The following CNTN3 variants were observed in gnomAD, a reference collection of about 807,000 sequenced individuals.
CNTN3 encodes contactin 3.
CNTN3 carries 60 observed loss-of-function variants against 119.1 expected under a neutral mutation model. The observed-to-expected ratio is 0.50, with a 90% CI of 0.41 to 0.62. CNTN3 has a LOEUF of 0.62. CNTN3 is among the 20% of genes least tolerant of loss of function. The pLI, the probability that CNTN3 is intolerant of heterozygous loss-of-function variation, is 0.00. For synonymous variants in CNTN3, 450 were observed against 438.7 expected (o/e 1.03, Z -0.32); for missense variants, 1,101 against 1,242.4 (o/e 0.89, Z 1.71).
chr3:74,400,752 G>T (rs1448228990), intron 5 of CNTN3, among the ~76,000 whole-genome samples: 1 of 152,104 alleles, frequency 6.6e-6, no homozygotes, highest in African/African-American at 2.4e-5. Context: ...TGGGCATTCA[G>T]CTTTATAAAG....
At chr3:74,321,952 G>A (rs1462215846) in intron 13 of CNTN3, among the ~76,000 whole-genome samples, 11 of 152,018 alleles carry the variant, frequency 7.2e-5, no homozygotes, top group Non-Finnish European at 1.2e-4. Context: ...TGGTGAATCC[G>A]AGGTGGGCAG....
chr3:74,297,818 C>A, intron 18 of CNTN3, 139 bp downstream of exon 18: 1 of 621,026 alleles, frequency 1.6e-6, no homozygotes, highest in Non-Finnish European at 2.8e-6. Context: ...TTATGACTTG[C>A]ACTGGGAATC....
chr3:74,541,213 C>G (rs960692974), intron 1 of CNTN3, among the ~76,000 whole-genome samples: 19 of 152,152 alleles, frequency 1.2e-4, no homozygotes, highest in African/African-American at 4.6e-4. Flanking sequence ...AATTCCATTT[C>G]AAGCTGAAGG....
intron 1 of CNTN3, among the ~76,000 whole-genome samples, chr3:74,544,303 C>A (rs957554299): frequency 1.3e-5 from 2 of 152,130 alleles, no homozygotes; most frequent in African/African-American, 4.8e-5. Flanking sequence ...CTCTGAGAAA[C>A]TTTGAAGTTG....
intron 5 of CNTN3, among the ~76,000 whole-genome samples, chr3:74,388,967 T>G (rs1704826092): frequency 6.6e-6 from 1 of 152,216 alleles, no homozygotes; most frequent in African/African-American, 2.4e-5. Flanking sequence ...ATACACGTAC[T>G]CTGGCCATTC....
chr3:74,551,141 C>G (rs115622553), intron 1 of CNTN3, among the ~76,000 whole-genome samples: 3 of 152,104 alleles, frequency 2.0e-5, no homozygotes, highest in African/African-American at 7.2e-5. Context: ...CTTTCCTGTT[C>G]GAGCCTTAGC....
rs542177173 is a variant in CNTN3, at chr3:74,346,501, C to G, written c.1365-9843G>C. ...CATTAGGACAGAATTGTAAAATACA[C>G]AAATAAGATCACAAAGTGGAAAATG... is the stretch of plus-strand genomic sequence containing the variant. On this transcript the variant is annotated intron_variant, in intron 11 of 22. Coordinates refer to ENST00000263665, the MANE Select transcript of CNTN3 (RefSeq NM_020872.3). Among the ~76,000 whole-genome samples the G allele has an allele frequency of 2.4e-3, 358 of 152,118 alleles. 1 individual carries two copies. The highest frequency in any genetic ancestry group is 2.8e-3 in the Non-Finnish European group (187 of 67,996).
intron 1 of CNTN3, 47 bp from the exon 2 acceptor site, chr3:74,521,239 G>C: frequency 2.5e-6 from 1 of 398,146 alleles, no homozygotes; most frequent in East Asian, 4.0e-5. Flanking sequence ...AAAAAAAAAA[G>C]CTGCTTTAAA....
intron 11 of CNTN3, among the ~76,000 whole-genome samples, chr3:74,342,664 T>C (rs1259122788): frequency 6.6e-6 from 1 of 152,248 alleles, no homozygotes; most frequent in Non-Finnish European, 1.5e-5. Context: ...TTTTCACTTC[T>C]ATAAAATGTT....
chr3:74,441,622 A>C (rs1346031889), intron 4 of CNTN3, among the ~76,000 whole-genome samples: 2 of 152,176 alleles, frequency 1.3e-5, no homozygotes, highest in East Asian at 3.9e-4. Flanking sequence ...ACAAATTAGA[A>C]AGCAATTAGG....
chr3:74,520,803 G>T (rs1198805493), intron 2 of CNTN3, among the ~76,000 whole-genome samples: 1 of 151,298 alleles, frequency 6.6e-6, no homozygotes, highest in Non-Finnish European at 1.5e-5. Context: ...TAATACCAAA[G>T]CATAATATTA....
chr3:74,329,060 G>A (rs900157479), intron 13 of CNTN3, among the ~76,000 whole-genome samples: 4 of 152,170 alleles, frequency 2.6e-5, no homozygotes, highest in Non-Finnish European at 2.9e-5. Flanking sequence ...GTTATAAAGA[G>A]CTGCTGTTTT....
chr3:74,280,328 A>C (rs1050937898), intron 20 of CNTN3, among the ~76,000 whole-genome samples: 1 of 152,312 alleles, frequency 6.6e-6, no homozygotes, highest in East Asian at 1.9e-4. Context: ...CTTTTTCCCC[A>C]AGTATACTCA....
At position 74,521,785 on chromosome 3, in the gene CNTN3, A is replaced by T. The variant is rs552341114; in HGVS notation, c.-80-593T>A. ...ATGAAACCATTTTCTTTTTTGCTTTAATTTTCATAAACTTGAATATGTTGG... is the reference window on the plus strand; with the variant it reads ...ATGAAACCATTTTCTTTTTTGCTTTTATTTTCATAAACTTGAATATGTTGG... On this transcript the variant is annotated intron_variant, in intron 1 of 22. Transcript: ENST00000263665. 3.3e-5 allele frequency among the ~76,000 whole-genome samples: 5 copies of T among 151,840 alleles called. No individual in the cohort carries two copies. In the East Asian group the frequency reaches 9.8e-4, roughly 30 times the overall value.
chr3:74,407,841 T>C (rs1177041664), intron 5 of CNTN3, among the ~76,000 whole-genome samples: 3 of 152,202 alleles, frequency 2.0e-5, no homozygotes, highest in East Asian at 1.9e-4. Context: ...AGGGCATCCA[T>C]TGAAAGGTAT....
intron 1 of CNTN3, among the ~76,000 whole-genome samples, chr3:74,537,325 C>G (rs1014770056): frequency 1.3e-5 from 2 of 152,088 alleles, no homozygotes; most frequent in Admixed American, 1.3e-4. Flanking sequence ...AAGTAGTCGC[C>G]ACGCTTGGCT....
chr3:74,364,624 A>G (rs1293303116), intron 9 of CNTN3, 28 bp from the exon 10 acceptor site: 7 of 1,542,464 alleles, frequency 4.5e-6, no homozygotes, highest in Non-Finnish European at 6.3e-6. Flanking sequence ...TATCTTTCAT[A>G]TAAACAAACA....
intron 5 of CNTN3, among the ~76,000 whole-genome samples, chr3:74,377,378 A>T (rs982708905): frequency 6.6e-6 from 1 of 152,142 alleles, no homozygotes; most frequent in Non-Finnish European, 1.5e-5. Flanking sequence ...ATAGTAAAAA[A>T]GTCTACGGTA....
chr3:74,419,606 T>C lies in CNTN3; in HGVS notation c.454+5239A>G, dbSNP rs560215019. Among the ~76,000 whole-genome samples, 3 of 152,306 alleles carry C rather than the reference T, an allele frequency of 2.0e-5. No individual in the cohort carries two copies. The East Asian group carries it at 5.8e-4, about 29-fold the overall frequency. On this transcript the variant is annotated intron_variant, in intron 5 of 22. Coordinates refer to ENST00000263665, the MANE Select transcript of CNTN3 (RefSeq NM_020872.3). ...TTGTTATAATATGTGAATGGCAGTA[T>C]ACAAGACTTCCATTTCAAGAATATG...
Sources: gnomAD v4.1 joint callset for allele counts (sites outside exome capture counted in the v4.1 genomes callset) on GRCh38, gnomAD v4.1.1 for gene constraint, MANE v1.5 for transcripts, NCBI Gene and HGNC (gene_info 2026-07-23, HGNC 2026-07-21) for gene names.